The following CAMTA1 variants were observed in gnomAD, a reference collection of about 807,000 sequenced individuals.
CAMTA1 encodes calmodulin binding transcription activator 1.
In CAMTA1, 27 loss-of-function variants were observed where a neutral mutation model predicts 170.9. The observed-to-expected ratio is 0.16, with a 90% CI of 0.12 to 0.22. CAMTA1 has a LOEUF of 0.22. CAMTA1 is among the 10% of genes least tolerant of loss of function. CAMTA1 has a pLI of 1.00. For synonymous variants in CAMTA1, 833 were observed against 891.5 expected (o/e 0.93, Z 1.17); for missense variants, 1,619 against 2,217.2 (o/e 0.73, Z 5.42).
intron 3 of CAMTA1, among the ~76,000 whole-genome samples, chr1:6,982,520 G>A (rs773491077): frequency 6.6e-6 from 1 of 152,186 alleles, no homozygotes; most frequent in Non-Finnish European, 1.5e-5. Context: ...GGGGTGGGTG[G>A]CACAGCCCTT....
intron 3 of CAMTA1, among the ~76,000 whole-genome samples, chr1:6,964,322 G>C (rs1407031832): frequency 7.0e-6 from 1 of 143,686 alleles, no homozygotes; most frequent in Non-Finnish European, 1.6e-5. Flanking sequence ...CGGTGCCCCC[G>C]GAGGGTGCAG....
At chr1:7,751,566 C>G (rs1331888548) in intron 20 of CAMTA1, among the ~76,000 whole-genome samples, 174 bp downstream of exon 20, 1 of 152,148 alleles carries the variant, frequency 6.6e-6, no homozygotes. Context: ...TGTGCTGAGT[C>G]TGGTTTTGAA....
chr1:7,402,696 A>C (rs1483494524), intron 5 of CAMTA1, among the ~76,000 whole-genome samples: 2 of 152,148 alleles, frequency 1.3e-5, no homozygotes, highest in African/African-American at 4.8e-5. Flanking sequence ...AGTGAACATG[A>C]GTAAAGTGAG....
chr1:6,838,405 G>T (rs1445264976), intron 3 of CAMTA1, among the ~76,000 whole-genome samples: 1 of 152,154 alleles, frequency 6.6e-6, no homozygotes, highest in Non-Finnish European at 1.5e-5. Flanking sequence ...GGCGAGTGAG[G>T]GTGAGGCAGG....
chr1:7,712,198 AG>A (rs1362915301), intron 11 of CAMTA1, among the ~76,000 whole-genome samples: 1 of 152,258 alleles, frequency 6.6e-6, no homozygotes, highest in Non-Finnish European at 1.5e-5. Context: ...CTTAATTCAC[AG>A]GGTAGAACTC....
chr1:6,847,590 G>A (rs1658724577), intron 3 of CAMTA1, among the ~76,000 whole-genome samples: 1 of 151,552 alleles, frequency 6.6e-6, no homozygotes, highest in Non-Finnish European at 1.5e-5. Flanking sequence ...CCAAGCTGGA[G>A]TGCAGTGGTG....
chr1:6,968,607 T>C (rs139779879), intron 3 of CAMTA1, among the ~76,000 whole-genome samples: 6 of 152,224 alleles, frequency 3.9e-5, no homozygotes, highest in African/African-American at 1.4e-4. Flanking sequence ...TTGTGATCGA[T>C]GTGTGTCTCG....
chr1:6,949,978 A>T (rs1389031299), intron 3 of CAMTA1, among the ~76,000 whole-genome samples: 1 of 152,236 alleles, frequency 6.6e-6, no homozygotes, highest in East Asian at 1.9e-4. Flanking sequence ...ACACAGCAAA[A>T]CGTGGCAGAG....
Position 7,004,206 on chromosome 1 carries a change from T to G in CAMTA1, c.235-87098T>G, listed in dbSNP as rs141391213. Among the ~76,000 whole-genome samples the G allele has an allele frequency of 3.3e-4, 50 of 152,364 alleles. 1 individual carries two copies. The highest frequency in any genetic ancestry group is 1.2e-3 in the African/African-American group (49 of 41,590). ...ATTGTCTATTTGAAGAGAGAATAAT[T>G]GCCAAGGAGCAGGGAGGCCAGTGTT... On this transcript the variant is annotated intron_variant, in intron 3 of 22. Transcript: ENST00000303635.
chr1:7,055,637 G>A (rs1707203996), intron 3 of CAMTA1, among the ~76,000 whole-genome samples: 1 of 152,238 alleles, frequency 6.6e-6, no homozygotes, highest in Non-Finnish European at 1.5e-5. Context: ...TGGCCTCGAG[G>A]TGGGTCACCT....
chr1:7,408,804 G>A (rs1284412684), intron 5 of CAMTA1, among the ~76,000 whole-genome samples: 1 of 152,200 alleles, frequency 6.6e-6, no homozygotes, highest in Non-Finnish European at 1.5e-5. Flanking sequence ...CTCTGAATTG[G>A]CAGGTGGGGA....
intron 3 of CAMTA1, among the ~76,000 whole-genome samples, chr1:6,873,664 C>T (rs530136999): frequency 2.0e-5 from 3 of 152,302 alleles, no homozygotes; most frequent in African/African-American, 4.8e-5. Flanking sequence ...TCTTATTTTA[C>T]GATTAGATCA....
At chr1:6,799,866 G>A (rs987012757) in intron 1 of CAMTA1, among the ~76,000 whole-genome samples, 1 of 151,998 alleles carries the variant, frequency 6.6e-6, no homozygotes, top group Admixed American at 6.6e-5. Context: ...GATAAGAGGG[G>A]GACTATTGTG....
intron 3 of CAMTA1, among the ~76,000 whole-genome samples, chr1:6,865,873 A>G (rs995213287): frequency 6.6e-6 from 1 of 152,226 alleles, no homozygotes; most frequent in African/African-American, 2.4e-5. Flanking sequence ...TTTAAAGCCC[A>G]GAAAGGACTC....
chr1:6,842,169 T>C (rs1656033450), intron 3 of CAMTA1, among the ~76,000 whole-genome samples: 1 of 152,246 alleles, frequency 6.6e-6, no homozygotes, highest in South Asian at 2.1e-4. Context: ...ATAACATTTA[T>C]TCACTCCACA....
At chr1:7,151,330 G>A (rs1249341541) in intron 4 of CAMTA1, among the ~76,000 whole-genome samples, 1 of 152,176 alleles carries the variant, frequency 6.6e-6, no homozygotes, top group Non-Finnish European at 1.5e-5. Context: ...TTAGCATCTG[G>A]GCAGGCCTGG....
chr1:7,412,005 G>A lies in CAMTA1; in HGVS notation c.439-55825G>A, dbSNP rs549775178. Among the ~76,000 whole-genome samples the A allele has an allele frequency of 7.6e-4, 113 of 149,608 alleles. 1 individual carries two copies. The highest frequency in any genetic ancestry group is 2.7e-3 in the African/African-American group (108 of 40,352). ...TTCCCACCTATGAGTGAGAACATGC[G>A]GTGTTTGGTTTTTTGTCCTTGCCAT... On this transcript the variant is annotated intron_variant, in intron 5 of 22. Coordinates refer to ENST00000303635, the MANE Select transcript of CAMTA1 (RefSeq NM_015215.4).
rs570615798 is a variant in CAMTA1, at chr1:7,333,662, C to T, written c.438+84036C>T. On this transcript the variant is annotated intron_variant, in intron 5 of 22. Coordinates refer to ENST00000303635, the MANE Select transcript of CAMTA1 (RefSeq NM_015215.4). This position sits in a 1 kb window ranked among gnomAD's most constrained non-coding sequence, Gnocchi z 4.4. ...CTAGGGAGGCTGGGGTTACAGCCTC[C>T]GCCATGTTGCAGATTCTCCAATAAG... Among the ~76,000 whole-genome samples the T allele has an allele frequency of 6.4e-4, 98 of 152,286 alleles. 1 individual carries two copies. Among genetic ancestry groups the T allele is most frequent in the African/African-American group, 2.2e-3 (91 of 41,556 alleles).
intron 5 of CAMTA1, among the ~76,000 whole-genome samples, chr1:7,465,340 T>C (rs1400092493): frequency 6.6e-6 from 1 of 152,210 alleles, no homozygotes; most frequent in East Asian, 1.9e-4. Context: ...CCATTCCCTG[T>C]GGGCTTCCTG....
Sources: gnomAD v4.1 joint callset for allele counts (sites outside exome capture counted in the v4.1 genomes callset) on GRCh38, gnomAD v4.1.1 for gene constraint, Gnocchi (gnomAD v3.1) non-coding constraint, MANE v1.5 for transcripts, NCBI Gene and HGNC (gene_info 2026-07-23, HGNC 2026-07-21) for gene names.